The following PVT1 variants were observed in gnomAD, a reference collection of about 807,000 sequenced individuals.
PVT1 encodes the protein Pvt1 oncogene.
intron 3 of PVT1, among the ~76,000 whole-genome samples, chr8:127,922,654 C>T (rs6470591): frequency 0.029 from 4,399 of 152,250 alleles, 230 homozygotes; most frequent in African/African-American, 0.1. Context: ...GGAGATCTTG[C>T]TCATCCATCT....
chr8:128,041,496 GGTATGTGTGTGTGT>G (rs1813542481), intron 4 of PVT1, among the ~76,000 whole-genome samples: 11 of 147,892 alleles, frequency 7.4e-5, no homozygotes, highest in South Asian at 4.3e-4. Flanking sequence ...GTATGTGTTT[GGTATGTGTGTGTGT>G]GTGTATGCAT....
At chr8:127,933,459 C>G (rs2129891890) in intron 3 of PVT1, among the ~76,000 whole-genome samples, 1 of 152,310 alleles carries the variant, frequency 6.6e-6, no homozygotes, top group South Asian at 2.1e-4. Flanking sequence ...TTCCTATTCT[C>G]TGCTTTCCCA....
intron 2 of PVT1, among the ~76,000 whole-genome samples, chr8:127,817,939 G>A (rs1814684814): frequency 1.3e-5 from 2 of 152,134 alleles, no homozygotes. Context: ...CACAGAGTAA[G>A]TGCTCCCTGC....
chr8:127,994,166 C>T (rs1168879563), intron 4 of PVT1, among the ~76,000 whole-genome samples: 1 of 152,250 alleles, frequency 6.6e-6, no homozygotes, highest in Non-Finnish European at 1.5e-5. Flanking sequence ...CCATTGTCCT[C>T]TGCCCACTCC....
intron 3 of PVT1, chr8:127,940,424 G>T (rs570964250): frequency 1.3e-5 from 2 of 152,232 alleles, no homozygotes; most frequent in African/African-American, 4.8e-5. Context: ...ACCCGGTTCT[G>T]CTCCTTGCTG....
At chr8:127,914,300 A>AAAG (rs1815952611) in intron 3 of PVT1, among the ~76,000 whole-genome samples, 2 of 135,874 alleles carry the variant, frequency 1.5e-5, no homozygotes, top group Non-Finnish European at 1.6e-5. Flanking sequence ...AAAAAAAAAA[A>AAAG]GGCAGAAAAT....
chr8:127,974,413 C>CATT (rs1038653077), intron 3 of PVT1, among the ~76,000 whole-genome samples: 9 of 151,904 alleles, frequency 5.9e-5, no homozygotes, highest in African/African-American at 1.9e-4. Context: ...TCATCATCAT[C>CATT]ATTATTATTA....
intron 2 of PVT1, chr8:127,803,127 T>TTCTTTC (rs1351071894): frequency 1.5e-5 from 2 of 130,762 alleles, no homozygotes; most frequent in African/African-American, 5.8e-5. Flanking sequence ...CTTTCTTTCT[T>TTCTTTC]TTTTTTTTTT....
chr8:128,075,405 A>G (rs1237483798), intron 5 of PVT1, among the ~76,000 whole-genome samples: 1 of 152,124 alleles, frequency 6.6e-6, no homozygotes, highest in Non-Finnish European at 1.5e-5. Flanking sequence ...GTGCATGAAT[A>G]GATCGATGAA....
chr8:127,972,818 G>A (rs1309732679), intron 3 of PVT1, among the ~76,000 whole-genome samples: 1 of 152,108 alleles, frequency 6.6e-6, no homozygotes, highest in Non-Finnish European at 1.5e-5. Context: ...AATTGCTCTG[G>A]GAAGGACTGG....
At chr8:128,077,513 A>G (rs1455000228) in intron 5 of PVT1, among the ~76,000 whole-genome samples, 1 of 152,188 alleles carries the variant, frequency 6.6e-6, no homozygotes, top group Non-Finnish European at 1.5e-5. Context: ...TAATTTTATA[A>G]GCACTGAATC....
chr8:128,092,942 C>T (rs1013435451), intron 5 of PVT1, among the ~76,000 whole-genome samples: 1 of 152,196 alleles, frequency 6.6e-6, no homozygotes, highest in Non-Finnish European at 1.5e-5. Flanking sequence ...TCTTGCTGCG[C>T]ACGGTGCCCC....
chr8:128,061,354 A>C (rs1172124300), intron 4 of PVT1, among the ~76,000 whole-genome samples: 1 of 152,238 alleles, frequency 6.6e-6, no homozygotes, highest in Non-Finnish European at 1.5e-5. Flanking sequence ...CCCAAAGTAT[A>C]TTCCATTGTG....
In PVT1 at chr8:127,937,574, C is replaced by CAGAGAGAGAGAGAG. The variant is rs1403061270; in HGVS notation, n.782+46577_782+46578insGAGAGAGAGAGAGA. 4.4e-4 allele frequency among the ~76,000 whole-genome samples: 42 copies of CAGAGAGAGAGAGAG among 96,268 alleles called. No individual in the cohort carries two copies. The South Asian group carries it at 6.8e-3, about 16-fold the overall frequency. The allele number at this position is 96,268 out of a possible 152,430, so 63.2% of individuals were successfully genotyped here. A position where few individuals can be genotyped will look rare whatever the true frequency, so the allele number is the denominator to read the frequency against. On this transcript the variant is annotated intron_variant and non_coding_transcript_variant, in intron 3 of 10. Coordinates refer to ENST00000651587, the Ensembl canonical transcript of PVT1. Reference sequence around the variant, plus strand: ...ACACACACACACACACACACACACACACACACAGAGAGAGAGAGAGAGAGA... The same window carrying CAGAGAGAGAGAGAG: ...ACACACACACACACACACACACACACAGAGAGAGAGAGAGACACACAGAGAGAGAGAGAGAGAGA...
chr8:127,892,587 A>T (rs1438570233), intron 3 of PVT1, among the ~76,000 whole-genome samples: 1 of 152,164 alleles, frequency 6.6e-6, no homozygotes, highest in African/African-American at 2.4e-5. Flanking sequence ...CCCCAAGGTT[A>T]TTTATCCAGG....
At chr8:127,917,994 C>T (rs1366190386) in intron 3 of PVT1, among the ~76,000 whole-genome samples, 2 of 152,246 alleles carry the variant, frequency 1.3e-5, no homozygotes, top group East Asian at 1.9e-4. Flanking sequence ...CTGCTTGCCC[C>T]GTAGCAGATG....
At chr8:127,836,777 C>CA (rs1223592800) in intron 2 of PVT1, among the ~76,000 whole-genome samples, 1 of 152,078 alleles carries the variant, frequency 6.6e-6, no homozygotes, top group African/African-American at 2.4e-5. Context: ...AAACTTGGCC[C>CA]ACAGTCAGCG....
chr8:128,092,418 G>A (rs1345921112), intron 5 of PVT1, among the ~76,000 whole-genome samples: 1 of 152,154 alleles, frequency 6.6e-6, no homozygotes, highest in Non-Finnish European at 1.5e-5. Context: ...TTAGGTTGGT[G>A]CAAAAGTAAT....
intron 2 of PVT1, among the ~76,000 whole-genome samples, chr8:127,818,401 T>G (rs1814691072): frequency 6.6e-6 from 1 of 152,160 alleles, no homozygotes; most frequent in African/African-American, 2.4e-5. Context: ...TGACATTCCA[T>G]CCACACTTGA....
Sources: allele counts gnomAD v4.1 joint callset (sites outside exome capture counted in the v4.1 genomes callset), GRCh38; gene constraint gnomAD v4.1.1; transcripts MANE v1.5; gene names NCBI Gene and HGNC (gene_info 2026-07-23, HGNC 2026-07-21).